Variants in ZNG1A observed in about 807,000 individuals in gnomAD.
ZNG1A encodes zinc-regulated GTPase metalloprotein activator 1A.
chr9:175,814 A>C, the ZNG1A span: 1 of 608,206 alleles, frequency 1.6e-6, no homozygotes, highest in Non-Finnish European at 3.0e-6. Flanking sequence ...TAAATAAAAA[A>C]ATTCAAAATA....
At chr9:172,230 T>C in the ZNG1A span, 319 of 1,596,790 alleles carry the variant, frequency 2.0e-4, no homozygotes, top group Admixed American at 6.4e-4. Context: ...GAAGTGATTA[T>C]TATAAACACT....
the ZNG1A span, among the ~76,000 whole-genome samples, chr9:140,132 C>T: frequency 2.1e-3 from 319 of 150,952 alleles, 16 homozygotes; most frequent in African/African-American, 7.5e-3. Context: ...ACAAAGCAGC[C>T]GGGAAGCTCG....
chr9:169,018 C>G, the ZNG1A span, among the ~76,000 whole-genome samples: 1 of 152,038 alleles, frequency 6.6e-6, no homozygotes, highest in African/African-American at 2.4e-5. Context: ...GTAACTTTGA[C>G]TTTTAAGTCT....
At chr9:166,382 T>C in the ZNG1A span, 1 of 150,072 alleles carries the variant, frequency 6.7e-6, no homozygotes, top group Non-Finnish European at 1.5e-5. Flanking sequence ...GAGTGGAGTA[T>C]TAAAAATATT....
At chr9:156,949 C>A in the ZNG1A span, among the ~76,000 whole-genome samples, 1 of 149,658 alleles carries the variant, frequency 6.7e-6, no homozygotes, top group Non-Finnish European at 1.5e-5. Flanking sequence ...AATATAGTTT[C>A]TTAGAATCTA....
At chr9:171,830 C>A in the ZNG1A span, 1 of 507,892 alleles carries the variant, frequency 2.0e-6, no homozygotes, top group Admixed American at 3.4e-5. Context: ...TCTGTTCTTA[C>A]AAATAATCCT....
At chr9:139,322 C>G in the ZNG1A span, among the ~76,000 whole-genome samples, 10 of 150,262 alleles carry the variant, frequency 6.7e-5, 1 homozygote, top group African/African-American at 2.2e-4. Context: ...TAGTCAACCC[C>G]ATAGAAAGAG....
At chr9:126,911 G>C in the ZNG1A span, among the ~76,000 whole-genome samples, 1 of 152,022 alleles carries the variant, frequency 6.6e-6, no homozygotes, top group Non-Finnish European at 1.5e-5. Flanking sequence ...TTGAGGAATT[G>C]TTACATTTCC....
the ZNG1A span, chr9:153,966 T>C: frequency 2.0e-5 from 3 of 152,138 alleles, no homozygotes; most frequent in Non-Finnish European, 4.4e-5. Context: ...TCTTACAAAA[T>C]AATTCAAAAC....
At chr9:161,861 T>C in the ZNG1A span, among the ~76,000 whole-genome samples, 1 of 151,838 alleles carries the variant, frequency 6.6e-6, no homozygotes, top group Non-Finnish European at 1.5e-5. Context: ...GGAGAGGGTC[T>C]TCTTACTAAT....
the ZNG1A span, among the ~76,000 whole-genome samples, chr9:124,977 T>C: frequency 6.6e-6 from 1 of 152,218 alleles, no homozygotes; most frequent in Admixed American, 6.5e-5. Flanking sequence ...TTTGGGTTGG[T>C]TCCACGTTTT....
At chr9:161,808 T>C in the ZNG1A span, among the ~76,000 whole-genome samples, 4 of 151,916 alleles carry the variant, frequency 2.6e-5, no homozygotes, top group African/African-American at 4.8e-5. Context: ...TTACACTTCA[T>C]CTTAGCCAAA....
chr9:127,172 T>A, the ZNG1A span, among the ~76,000 whole-genome samples: 1 of 152,124 alleles, frequency 6.6e-6, no homozygotes, highest in Non-Finnish European at 1.5e-5. Flanking sequence ...GGATGGAATA[T>A]TCTGTATATA....
the ZNG1A span, among the ~76,000 whole-genome samples, chr9:130,679 C>T: frequency 1.4e-5 from 2 of 147,500 alleles, no homozygotes; most frequent in Non-Finnish European, 3.0e-5. Flanking sequence ...AGCAATCCAC[C>T]CACCTTGGCC....
chr9:170,765 C>T, the ZNG1A span, among the ~76,000 whole-genome samples: 1 of 143,698 alleles, frequency 7.0e-6, no homozygotes, highest in East Asian at 2.0e-4. Context: ...AATTTTTTTA[C>T]AATGAATGTT....
At chr9:129,320 A>T in the ZNG1A span, among the ~76,000 whole-genome samples, 4 of 152,012 alleles carry the variant, frequency 2.6e-5, no homozygotes, top group Non-Finnish European at 4.4e-5. Flanking sequence ...TGATAAGAGA[A>T]GTACAAGCAG....
chr9:152,287 C>T, the ZNG1A span, among the ~76,000 whole-genome samples: 2 of 152,086 alleles, frequency 1.3e-5, no homozygotes, highest in Non-Finnish European at 2.9e-5. Context: ...ATATTCCACT[C>T]ATACATTAAT....
At chr9:129,682 G>C in the ZNG1A span, among the ~76,000 whole-genome samples, 6 of 150,022 alleles carry the variant, frequency 4.0e-5, no homozygotes, top group Non-Finnish European at 8.8e-5. Flanking sequence ...AATTGGGGGG[G>C]GCTGTTCAAT....
chr9:137,367 GAA>G, the ZNG1A span, among the ~76,000 whole-genome samples: 40 of 94,786 alleles, frequency 4.2e-4, no homozygotes, highest in Admixed American at 3.7e-3. Flanking sequence ...TCTCCAAGGG[GAA>G]AAAAAAAAAA....
Sources: allele counts gnomAD v4.1 joint callset (sites outside exome capture counted in the v4.1 genomes callset), GRCh38; gene constraint gnomAD v4.1.1; transcripts MANE v1.5; gene names NCBI Gene and HGNC (gene_info 2026-07-23, HGNC 2026-07-21).